The following CACHD1 variants were observed in gnomAD, a reference collection of about 807,000 sequenced individuals.
CACHD1 encodes the protein cache domain containing 1.
CACHD1 carries 71 observed loss-of-function variants against 138.7 expected under a neutral mutation model. That is an observed-to-expected ratio of 0.51 (90% CI 0.42 to 0.62). The LOEUF is 0.62. CACHD1 is among the 20% of genes least tolerant of loss of function. The pLI is 0.00. For missense variants in CACHD1, 1,389 were observed against 1,625.3 expected, an observed-to-expected ratio of 0.85 and a Z score of 2.50; for synonymous variants, 578 against 591.5, an observed-to-expected ratio of 0.98 and a Z score of 0.33.
chr1:64,675,781 T>G (rs1274517662), intron 20 of CACHD1, 116 bp from the exon 21 acceptor site: 2 of 732,928 alleles, frequency 2.7e-6, no homozygotes, highest in African/African-American at 3.5e-5. Flanking sequence ...CTGTAACTTC[T>G]TTTTTACTAT....
chr1:64,635,936 C>T (rs1344878758), intron 7 of CACHD1, among the ~76,000 whole-genome samples: 2 of 151,624 alleles, frequency 1.3e-5, no homozygotes, highest in African/African-American at 4.8e-5. Flanking sequence ...ATGGTGAAAC[C>T]TCATCTCCAC....
intron 8 of CACHD1, 112 bp downstream of exon 8, chr1:64,642,081 A>C (rs1355893370): frequency 1.6e-5 from 15 of 962,492 alleles, no homozygotes; most frequent in Admixed American, 3.1e-5. Flanking sequence ...GGCTACGGGA[A>C]AAGGCAACCA....
chr1:64,583,987 C>A (rs1027445112), intron 3 of CACHD1, among the ~76,000 whole-genome samples: 1 of 152,150 alleles, frequency 6.6e-6, no homozygotes, highest in East Asian at 1.9e-4. Flanking sequence ...CAAAGATTAT[C>A]TTTTATAGTG....
At chr1:64,632,527 T>C in intron 5 of CACHD1, 72 bp from the exon 6 acceptor site, 2 of 1,527,228 alleles carry the variant, frequency 1.3e-6, no homozygotes, top group Non-Finnish European at 1.8e-6. Context: ...CACTGTAGTG[T>C]TCACAGCTGT....
At chr1:64,471,605 C>G (rs1036587972) in intron 1 of CACHD1, among the ~76,000 whole-genome samples, 1 of 152,236 alleles carries the variant, frequency 6.6e-6, no homozygotes, top group East Asian at 1.9e-4. Flanking sequence ...AGACTCCCGA[C>G]TCTAATCCTG....
chr1:64,571,640 A>G lies in CACHD1; in HGVS notation c.262-10516A>G, dbSNP rs1646927640. On this transcript the variant is annotated intron_variant, in intron 2 of 26. Coordinates refer to ENST00000651257, the MANE Select transcript of CACHD1 (RefSeq NM_020925.4). ...GTGTCATCTTTCCACTCCACTGCTG[A>G]GCTAATTGACGCTTGCTGGCAAATG... is the stretch of plus-strand genomic sequence containing the variant. 2.6e-5 allele frequency among the ~76,000 whole-genome samples: 4 copies of G among 152,138 alleles called. No individual in the cohort carries two copies. In the South Asian group the frequency reaches 8.3e-4, roughly 31 times the overall value.
chr1:64,664,176 T>C (rs186230834), intron 14 of CACHD1: 1 of 448,308 alleles, frequency 2.2e-6, no homozygotes, highest in African/African-American at 2.0e-5. Flanking sequence ...TCGAGATAAA[T>C]ATAAGTATAA....
chr1:64,566,940 T>C (rs1233781467), intron 2 of CACHD1, among the ~76,000 whole-genome samples: 1 of 152,120 alleles, frequency 6.6e-6, no homozygotes, highest in Admixed American at 6.6e-5. Context: ...GGTATGTATA[T>C]GTTTATTGCA....
At chr1:64,631,993 G>A (rs1225394672) in intron 5 of CACHD1, among the ~76,000 whole-genome samples, 2 of 151,972 alleles carry the variant, frequency 1.3e-5, no homozygotes, top group African/African-American at 2.4e-5. Context: ...GCATGCTCAC[G>A]GGTTATAGGC....
intron 19 of CACHD1, among the ~76,000 whole-genome samples, chr1:64,674,784 A>G (rs548398790): frequency 2.0e-5 from 3 of 152,340 alleles, no homozygotes; most frequent in African/African-American, 7.2e-5. Context: ...ACCACTTTGG[A>G]ATCTTTGATT....
At chr1:64,620,169 T>G (rs1647858568) in intron 4 of CACHD1, among the ~76,000 whole-genome samples, 1 of 152,160 alleles carries the variant, frequency 6.6e-6, no homozygotes, top group African/African-American at 2.4e-5. Flanking sequence ...CTTCAATGTT[T>G]TAATTTTTTA....
intron 13 of CACHD1, 144 bp from the exon 14 acceptor site, chr1:64,663,550 GA>G (rs11289872): frequency 0.25 from 192,281 of 767,408 alleles, 3,319 homozygotes; most frequent in East Asian, 0.47. Flanking sequence ...GACTCCATCT[GA>G]AAAAAAAAAA....
At chr1:64,620,204 G>T (rs1361035966) in intron 4 of CACHD1, among the ~76,000 whole-genome samples, 1 of 152,040 alleles carries the variant, frequency 6.6e-6, no homozygotes, top group East Asian at 1.9e-4. Flanking sequence ...TTTCTGAGCT[G>T]CTGTGAACTT....
chr1:64,683,828 C>T (rs1650268267), intron 26 of CACHD1, among the ~76,000 whole-genome samples: 1 of 152,208 alleles, frequency 6.6e-6, no homozygotes, highest in South Asian at 2.1e-4. Context: ...TCCTTTGAAC[C>T]AGTACGTGGG....
intron 1 of CACHD1, among the ~76,000 whole-genome samples, chr1:64,499,563 T>C (rs1646326068): frequency 1.3e-5 from 2 of 152,194 alleles, no homozygotes; most frequent in South Asian, 4.1e-4. Context: ...GTCCGTGAAC[T>C]TGATGAGGAA....
At chr1:64,643,599 G>T (rs1341564046) in intron 8 of CACHD1, among the ~76,000 whole-genome samples, 2 of 152,160 alleles carry the variant, frequency 1.3e-5, no homozygotes, top group Non-Finnish European at 2.9e-5. Context: ...CACTTTGGGA[G>T]GCCAAGGCGG....
At chr1:64,589,966 C>G (rs2100553421) in intron 3 of CACHD1, among the ~76,000 whole-genome samples, 1 of 152,208 alleles carries the variant, frequency 6.6e-6, no homozygotes, top group Non-Finnish European at 1.5e-5. Context: ...GAAGGCTAAA[C>G]TCTCACAGAA....
chr1:64,690,259 C>G (rs1420898628), intron 26 of CACHD1, among the ~76,000 whole-genome samples: 1 of 152,230 alleles, frequency 6.6e-6, no homozygotes, highest in East Asian at 1.9e-4. Context: ...TCATTGAGGA[C>G]AGAATTTTTG....
intron 1 of CACHD1, among the ~76,000 whole-genome samples, chr1:64,515,505 T>A (rs969144375): frequency 5.9e-5 from 9 of 152,196 alleles, no homozygotes; most frequent in Non-Finnish European, 1.3e-4. Context: ...TCCTTGCAAA[T>A]TCAAAGTATC....
Sources: gnomAD v4.1 joint callset for allele counts (sites outside exome capture counted in the v4.1 genomes callset) on GRCh38, gnomAD v4.1.1 for gene constraint, MANE v1.5 for transcripts, NCBI Gene and HGNC (gene_info 2026-07-23, HGNC 2026-07-21) for gene names.